The following GLDC variants were observed in gnomAD, a reference collection of about 807,000 sequenced individuals.
The protein encoded by GLDC is glycine dehydrogenase (decarboxylating), mitochondrial.
GLDC carries 104 observed loss-of-function variants against 121.3 expected under a neutral mutation model. That is an observed-to-expected ratio of 0.86 (90% CI 0.73 to 1.01). The LOEUF is 1.01. Ranked by LOEUF, GLDC falls within the 50% of genes least tolerant of loss-of-function variation. The pLI is 0.00. For synonymous variants in GLDC, 546 were observed against 480.6 expected (o/e 1.14, Z -1.78); for missense variants, 1,429 against 1,306.6 (o/e 1.09, Z -1.44).
Position 6,577,973 on chromosome 9 carries a change from G to A in GLDC, c.1850+9168C>T, listed in dbSNP as rs148024598. ...AGGGTCAACCAGGCTGGAGTGCAGC[G>A]GCACCATCACAGTTCACTGCAGCCT... On this transcript the variant is annotated intron_variant, in intron 15 of 24. Coordinates refer to ENST00000321612, the MANE Select transcript of GLDC (RefSeq NM_000170.3). Among the ~76,000 whole-genome samples the A allele has an allele frequency of 6.7e-4, 102 of 151,802 alleles. 1 individual carries two copies. Among genetic ancestry groups the A allele is most frequent in the East Asian group, 3.9e-3 (20 of 5,180 alleles).
chr9:6,537,100 G>A (rs867790731), intron 22 of GLDC, among the ~76,000 whole-genome samples: 1 of 149,174 alleles, frequency 6.7e-6, no homozygotes, highest in East Asian at 2.0e-4. Context: ...GCACACTCAC[G>A]GCTCACTGCA....
chr9:6,618,059 C>T (rs1819001149), intron 3 of GLDC, among the ~76,000 whole-genome samples: 1 of 152,178 alleles, frequency 6.6e-6, no homozygotes, highest in Non-Finnish European at 1.5e-5. Context: ...GTTACCTCTT[C>T]CACAAACTAA....
At chr9:6,611,994 G>C (rs1436839166) in intron 3 of GLDC, among the ~76,000 whole-genome samples, 2 of 102,170 alleles carry the variant, frequency 2.0e-5, no homozygotes, top group Non-Finnish European at 4.3e-5. Flanking sequence ...GATCACAACT[G>C]CCTGCCTGTT....
chr9:6,641,641 G>A (rs1314470883), intron 2 of GLDC, among the ~76,000 whole-genome samples: 1 of 152,136 alleles, frequency 6.6e-6, no homozygotes, highest in East Asian at 1.9e-4. Flanking sequence ...AGTATTAATG[G>A]TATTTTCCTC....
intron 3 of GLDC, among the ~76,000 whole-genome samples, chr9:6,612,204 C>T (rs1388672519): frequency 6.6e-6 from 1 of 151,306 alleles, no homozygotes; most frequent in Non-Finnish European, 1.5e-5. Flanking sequence ...CTCACACACA[C>T]ACACAAACAC....
chr9:6,576,658 A>T (rs965814841), intron 15 of GLDC, among the ~76,000 whole-genome samples: 1 of 151,858 alleles, frequency 6.6e-6, no homozygotes. Flanking sequence ...GCAGAGATGG[A>T]GTTTCACTAC....
At chr9:6,627,115 G>A (rs35870984) in intron 2 of GLDC, among the ~76,000 whole-genome samples, 34,615 of 151,524 alleles carry the variant, frequency 0.23, 3,894 homozygotes, top group South Asian at 0.3. Flanking sequence ...CTAACACGGT[G>A]AAACCCCATC....
chr9:6,578,253 G>T (rs1376554087), intron 15 of GLDC, among the ~76,000 whole-genome samples: 1 of 151,674 alleles, frequency 6.6e-6, no homozygotes, highest in East Asian at 1.9e-4. Context: ...CCAAGCAGCT[G>T]GGACCACAGA....
At chr9:6,642,282 C>A (rs775099802) in intron 2 of GLDC, among the ~76,000 whole-genome samples, 1 of 152,162 alleles carries the variant, frequency 6.6e-6, no homozygotes, top group African/African-American at 2.4e-5. Context: ...GTAATCCCAG[C>A]ATTTTGGGAG....
chr9:6,556,155 G>A lies in GLDC; in HGVS notation c.2200C>T (p.Gln734Ter). 4 of 1,611,298 alleles carry A rather than the reference G, an allele frequency of 2.5e-6. No individual in the cohort carries two copies. Among genetic ancestry groups the A allele is most frequent in the Non-Finnish European group, 2.5e-6 (3 of 1,178,460 alleles). Residue 734 changes from glutamine (Q) to a stop codon, truncating the protein, a stop_gained and splice_region_variant, in exon 18 of 25, where the codon CAG becomes TAG. Coordinates refer to ENST00000321612, the MANE Select transcript of GLDC (RefSeq NM_000170.3). LOFTEE classifies it high-confidence loss of function. ...GGGCGGGCCTCTTCAGTTCCCACCT[G>A]AGCATTCATATTTGCCCCGTCTAGG... ...VYLDGANMNA[Q>*]VGICRPGDFG...
intron 21 of GLDC, among the ~76,000 whole-genome samples, chr9:6,549,924 G>T (rs1817476073): frequency 6.6e-6 from 1 of 152,106 alleles, no homozygotes; most frequent in Non-Finnish European, 1.5e-5. Flanking sequence ...CCAGCTCAAG[G>T]GTGAAGTCCA....
At chr9:6,547,567 T>C (rs1218848141) in intron 21 of GLDC, among the ~76,000 whole-genome samples, 1 of 152,218 alleles carries the variant, frequency 6.6e-6, no homozygotes, top group African/African-American at 2.4e-5. Context: ...AAGCCATACA[T>C]GTCAAAAGCT....
intron 2 of GLDC, among the ~76,000 whole-genome samples, chr9:6,629,652 A>G (rs900243262): frequency 1.3e-5 from 2 of 151,396 alleles, no homozygotes; most frequent in African/African-American, 2.4e-5. Flanking sequence ...CCCATCCTTA[A>G]CCCATTACCC....
chr9:6,594,940 T>A, intron 9 of GLDC, 74 bp downstream of exon 9: 2 of 881,258 alleles, frequency 2.3e-6, no homozygotes, highest in South Asian at 1.3e-5. Context: ...GTATTGGACA[T>A]GCAATATTTT....
intron 2 of GLDC, among the ~76,000 whole-genome samples, chr9:6,629,959 T>G (rs10975707): frequency 4.5e-4 from 25 of 55,632 alleles, no homozygotes; most frequent in African/African-American, 1.5e-3. Flanking sequence ...ATATATATAT[T>G]TTTTTTTTTT....
rs1370346078 is a variant in GLDC at position 6,587,275 on chromosome 9, T to C, written c.1716A>G (p.Thr572=). 3 of 1,613,216 alleles carry C rather than the reference T, an allele frequency of 1.9e-6. No individual in the cohort carries two copies. The highest frequency in any genetic ancestry group is 2.5e-6 in the Non-Finnish European group (3 of 1,179,180). The stretch of plus-strand genomic sequence containing the variant: ...GGTGGATGTTTGCAAATTCTTTCCA[T>C]GTGATAGGCTGAAAAGAAAGAAAAC... ...LNSSSELAPI[T]WKEFANIHPF... Residue 572 remains threonine, a synonymous_variant, in exon 15 of 25, where the codon ACA becomes ACG. Coordinates refer to ENST00000321612, the MANE Select transcript of GLDC (RefSeq NM_000170.3).
At chr9:6,559,026 G>A (rs1488670229) in intron 16 of GLDC, among the ~76,000 whole-genome samples, 1 of 152,148 alleles carries the variant, frequency 6.6e-6, no homozygotes, top group Non-Finnish European at 1.5e-5. Context: ...ACATGAGACT[G>A]GAAGTTAAAC....
Position 6,605,288 on chromosome 9 carries a change from CAG to C in GLDC, c.714-12_714-11del, listed in dbSNP as rs1479469664. 1.2e-6 allele frequency: 2 copies of C among 1,613,412 alleles called. No individual in the cohort carries two copies. The highest frequency in any genetic ancestry group is 1.7e-5 in the Admixed American group (1 of 60,010). ...GAGGACTCCAGTATATCTGGAAAGA[CAG>C]ACAACAAAGAACAATCGTGCTTTCG... On this transcript the variant is annotated splice_polypyrimidine_tract_variant and intron_variant, in intron 5 of 24. Transcript: ENST00000321612.
rs770383840 is a variant in GLDC at position 6,595,000 on chromosome 9, G to C, written c.1261+14C>G. On this transcript the variant is annotated intron_variant, in intron 9 of 24. Coordinates refer to ENST00000321612, the MANE Select transcript of GLDC (RefSeq NM_000170.3). ...TTATTATGCCCAAATGTTTTAGACA[G>C]ATTACCAACTCACCTTCTGACAAAA... is the stretch of plus-strand genomic sequence containing the variant. 6.9e-7 allele frequency: 1 copy of C among 1,458,310 alleles called. No homozygotes were observed. Among genetic ancestry groups the C allele is most frequent in the South Asian group, 1.1e-5 (1 of 88,034 alleles). The allele number at this position is 1,458,310 out of a possible 1,614,324, so 90.3% of individuals were successfully genotyped here. A position where few individuals can be genotyped will look rare whatever the true frequency, so the allele number is the denominator to read the frequency against.
Sources: allele counts gnomAD v4.1 joint callset (sites outside exome capture counted in the v4.1 genomes callset), GRCh38; gene constraint gnomAD v4.1.1; transcripts MANE v1.5; gene names NCBI Gene and HGNC (gene_info 2026-07-23, HGNC 2026-07-21).